Variants in MAPK10 observed in about 807,000 individuals in gnomAD.
The protein encoded by MAPK10 is JNK3 alpha protein kinase.
Under a neutral mutation model 59.3 loss-of-function variants are expected in MAPK10, and 25 were observed. The observed-to-expected ratio is 0.42, with a 90% CI of 0.31 to 0.59. The LOEUF is 0.59. Ranked by LOEUF, MAPK10 falls within the 20% of genes least tolerant of loss-of-function variation. The pLI, the probability that MAPK10 is intolerant of heterozygous loss-of-function variation, is 0.15. For missense variants in MAPK10, 351 were observed against 568.9 expected, an observed-to-expected ratio of 0.62 and a Z score of 3.90; for synonymous variants, 190 against 200.5, an observed-to-expected ratio of 0.95 and a Z score of 0.44.
rs576199292 is a variant in MAPK10, at chr4:86,278,129, A to G, written c.-7+76401T>C. Among the ~76,000 whole-genome samples the G allele has an allele frequency of 3.9e-5, 6 of 152,270 alleles. No individual in the cohort carries two copies. The East Asian group carries it at 1.2e-3, about 29-fold the overall frequency. ...TTTGGCATGTTTTACTCATATCAAA[A>G]GACAGACGTACAATCTTAAATATCC... On this transcript the variant is annotated intron_variant, in intron 2 of 13. Coordinates refer to ENST00000641462, the MANE Select transcript of MAPK10 (RefSeq NM_138982.4).
At chr4:86,281,649 G>C (rs183832251) in intron 2 of MAPK10, among the ~76,000 whole-genome samples, 1 of 152,124 alleles carries the variant, frequency 6.6e-6, no homozygotes, top group African/African-American at 2.4e-5. Flanking sequence ...TGGTGTTTGA[G>C]ACAATAAGCT....
intron 3 of MAPK10, among the ~76,000 whole-genome samples, chr4:86,174,577 T>A (rs1277811731): frequency 1.3e-5 from 2 of 152,130 alleles, no homozygotes; most frequent in Admixed American, 1.3e-4. Flanking sequence ...AAAGCTGCAC[T>A]TTCTGCAAAT....
chr4:86,107,410 C>T (rs2056741732), intron 4 of MAPK10, 58 bp from the exon 5 acceptor site: 10 of 1,571,752 alleles, frequency 6.4e-6, no homozygotes, highest in Non-Finnish European at 1.7e-6. Flanking sequence ...AGAACTCTTG[C>T]CTACTTGATT....
intron 1 of MAPK10, among the ~76,000 whole-genome samples, chr4:86,489,885 C>T (rs1030044688): frequency 2.0e-5 from 3 of 152,178 alleles, no homozygotes; most frequent in Admixed American, 6.5e-5. Context: ...ATTCTCTGAA[C>T]ACTTAAGCTC....
At chr4:86,587,804 C>T (rs1007417265) in intron 1 of MAPK10, among the ~76,000 whole-genome samples, 1 of 152,188 alleles carries the variant, frequency 6.6e-6, no homozygotes, top group African/African-American at 2.4e-5. Context: ...GCATTTAAAA[C>T]ACACACTCTT....
chr4:86,382,490 T>C lies in MAPK10; in HGVS notation c.-121-27846A>G, dbSNP rs555810353. On this transcript the variant is annotated intron_variant, in intron 1 of 13. Transcript: ENST00000361569. Reference sequence around the variant, plus strand: ...ATTTTATGTGTCTGTTTATGTTTAATAGCTCTCTCACCTGTGGACCGAAAA... The same window carrying C: ...ATTTTATGTGTCTGTTTATGTTTAACAGCTCTCTCACCTGTGGACCGAAAA... 1.2e-4 allele frequency among the ~76,000 whole-genome samples: 19 copies of C among 152,322 alleles called. No individual in the cohort carries two copies. In the South Asian group the frequency reaches 3.9e-3, roughly 32 times the overall value.
intron 4 of MAPK10, among the ~76,000 whole-genome samples, chr4:86,143,681 C>T (rs1279018210): frequency 6.6e-6 from 1 of 152,262 alleles, no homozygotes; most frequent in South Asian, 2.1e-4. Flanking sequence ...GCATACAACA[C>T]AGTATCTGGA....
At chr4:86,222,224 T>G (rs979130338) in intron 2 of MAPK10, among the ~76,000 whole-genome samples, 2 of 152,196 alleles carry the variant, frequency 1.3e-5, no homozygotes, top group Non-Finnish European at 2.9e-5. Context: ...TATTTCTTTA[T>G]AGCAGTGAAA....
At chr4:86,113,511 A>G (rs2057850195) in intron 4 of MAPK10, among the ~76,000 whole-genome samples, 1 of 151,102 alleles carries the variant, frequency 6.6e-6, no homozygotes. Flanking sequence ...TGGGTTGGAA[A>G]CTCTTTTCTT....
At chr4:86,417,997 C>T (rs1171623021) in intron 1 of MAPK10, among the ~76,000 whole-genome samples, 1 of 152,194 alleles carries the variant, frequency 6.6e-6, no homozygotes, top group African/African-American at 2.4e-5. Context: ...ACCCTTTTCT[C>T]TGAAGAGACT....
intron 9 of MAPK10, among the ~76,000 whole-genome samples, chr4:86,076,224 G>T (rs1046407811): frequency 1.3e-5 from 2 of 152,162 alleles, no homozygotes; most frequent in African/African-American, 4.8e-5. Context: ...TGCTTCCCAG[G>T]TGAGGCAATG....
chr4:86,454,257 C>T (rs1751038883), upstream of MAPK10, among the ~76,000 whole-genome samples: 1 of 152,056 alleles, frequency 6.6e-6, no homozygotes, highest in Non-Finnish European at 1.5e-5. Context: ...GGATCCAAAC[C>T]AGGAAGAAAT....
chr4:86,111,396 G>A (rs555766502), intron 4 of MAPK10, among the ~76,000 whole-genome samples: 1 of 152,092 alleles, frequency 6.6e-6, no homozygotes, highest in South Asian at 2.1e-4. Flanking sequence ...TTTGAGGTAT[G>A]TTCCTTCAAT....
At chr4:86,589,667 A>G (rs1762885190) in intron 1 of MAPK10, among the ~76,000 whole-genome samples, 1 of 148,226 alleles carries the variant, frequency 6.7e-6, no homozygotes, top group Non-Finnish European at 1.5e-5. Flanking sequence ...GTGTGACAAG[A>G]GCAAAACTCC....
At chr4:86,565,661 A>C (rs111809209) in intron 1 of MAPK10, among the ~76,000 whole-genome samples, 1 of 152,204 alleles carries the variant, frequency 6.6e-6, no homozygotes, top group Non-Finnish European at 1.5e-5. Context: ...AAAGATAATT[A>C]ACAGTATTCA....
intron 1 of MAPK10, among the ~76,000 whole-genome samples, chr4:86,577,423 T>A (rs987652579): frequency 6.6e-6 from 1 of 151,916 alleles, no homozygotes; most frequent in Non-Finnish European, 1.5e-5. Flanking sequence ...ACAATAAAGA[T>A]AAAGAGAATC....
At chr4:86,317,390 G>A (rs557681662) in intron 2 of MAPK10, among the ~76,000 whole-genome samples, 13 of 152,238 alleles carry the variant, frequency 8.5e-5, no homozygotes, top group Non-Finnish European at 1.3e-4. Context: ...GCCCACCTCT[G>A]AGGGCCAGAC....
intron 11 of MAPK10, among the ~76,000 whole-genome samples, chr4:86,038,179 C>T (rs1424774477): frequency 1.3e-5 from 2 of 152,210 alleles, no homozygotes; most frequent in African/African-American, 4.8e-5. Flanking sequence ...CACTTATGCT[C>T]TGAACCATAT....
chr4:86,478,668 T>A (rs1753323796), intron 1 of MAPK10, among the ~76,000 whole-genome samples: 1 of 152,194 alleles, frequency 6.6e-6, no homozygotes, highest in South Asian at 2.1e-4. Flanking sequence ...TTATTCCTGA[T>A]ACCACACCTG....
Sources: gnomAD v4.1 joint callset for allele counts (sites outside exome capture counted in the v4.1 genomes callset) on GRCh38, gnomAD v4.1.1 for gene constraint, MANE v1.5 for transcripts, NCBI Gene and HGNC (gene_info 2026-07-23, HGNC 2026-07-21) for gene names.